KCTD16: variants seen among roughly 807,000 people sequenced by gnomAD.
KCTD16 encodes potassium channel tetramerization domain containing 16.
A neutral mutation model predicts 33.2 loss-of-function variants in KCTD16; 13 were observed. The ratio of observed to expected loss-of-function variants is 0.39; its 90% CI spans 0.25 to 0.62. The LOEUF (loss-of-function observed/expected upper bound fraction) is 0.62. Among genes scored for constraint, KCTD16 ranks in the 20% least tolerant of loss-of-function variants. KCTD16 has a pLI of 0.50. For synonymous variants in KCTD16, 197 were observed against 195.3 expected (o/e 1.01, Z -0.07); for missense variants, 441 against 525.1 (o/e 0.84, Z 1.57).
chr5:144,355,203 A>G (rs1306919207), intron 3 of KCTD16, among the ~76,000 whole-genome samples: 1 of 152,210 alleles, frequency 6.6e-6, no homozygotes, highest in Non-Finnish European at 1.5e-5. Context: ...TCAGATGACA[A>G]CAATATCAAC....
At chr5:144,232,534 C>T (rs561326505) in intron 3 of KCTD16, among the ~76,000 whole-genome samples, 31 of 152,266 alleles carry the variant, frequency 2.0e-4, no homozygotes, top group African/African-American at 4.6e-4. Context: ...CTATGTAATA[C>T]GTGACCATGC....
intron 3 of KCTD16, among the ~76,000 whole-genome samples, chr5:144,210,290 T>C (rs1753342259): frequency 6.6e-6 from 1 of 152,098 alleles, no homozygotes; most frequent in Admixed American, 6.5e-5. Flanking sequence ...AGTCAACAGG[T>C]ATTTGTATGT....
At chr5:144,350,673 T>C (rs955328704) in intron 3 of KCTD16, among the ~76,000 whole-genome samples, 2 of 152,166 alleles carry the variant, frequency 1.3e-5, no homozygotes, top group Non-Finnish European at 2.9e-5. Flanking sequence ...ATTCTGTGCA[T>C]GTCCAGAAAA....
At position 144,445,359 on chromosome 5, in the gene KCTD16, G is replaced by C. The variant is rs1290658873; in HGVS notation, c.833-28301G>C. Among the ~76,000 whole-genome samples, 4 of 152,112 alleles carry C rather than the reference G, an allele frequency of 2.6e-5. No individual in the cohort carries two copies. The East Asian group carries it at 7.8e-4, about 29-fold the overall frequency. Reference sequence around the variant, plus strand: ...TTTTGTATCAATTCTGGATGCGTTTGAGAATTTTGGAACAGTGGACTGCAA... The same window carrying C: ...TTTTGTATCAATTCTGGATGCGTTTCAGAATTTTGGAACAGTGGACTGCAA... On this transcript the variant is annotated intron_variant, in intron 3 of 3. Coordinates refer to ENST00000512467, the MANE Select transcript of KCTD16 (RefSeq NM_020768.4).
chr5:144,395,407 G>T (rs554898693), intron 3 of KCTD16, among the ~76,000 whole-genome samples: 2 of 152,140 alleles, frequency 1.3e-5, no homozygotes, highest in African/African-American at 4.8e-5. Context: ...AAGAGGTCTT[G>T]CCGCCTTTCA....
intron 3 of KCTD16, among the ~76,000 whole-genome samples, chr5:144,272,085 C>G (rs1270395122): frequency 6.6e-6 from 1 of 152,056 alleles, no homozygotes; most frequent in Non-Finnish European, 1.5e-5. Flanking sequence ...CAATATTACT[C>G]AAAGCAATCT....
intron 3 of KCTD16, among the ~76,000 whole-genome samples, chr5:144,366,580 A>G (rs746141939): frequency 1.3e-5 from 2 of 152,172 alleles, no homozygotes; most frequent in Non-Finnish European, 2.9e-5. Flanking sequence ...CAGGCAATCT[A>G]TGAAGCTTCA....
intron 3 of KCTD16, among the ~76,000 whole-genome samples, chr5:144,310,938 G>T (rs1447972876): frequency 2.0e-4 from 30 of 152,132 alleles, no homozygotes; most frequent in Non-Finnish European, 2.4e-4. Flanking sequence ...CAGTGCTAAG[G>T]TTCACTCTTC....
intron 3 of KCTD16, among the ~76,000 whole-genome samples, chr5:144,353,582 C>T (rs958769874): frequency 6.6e-6 from 1 of 152,184 alleles, no homozygotes; most frequent in Non-Finnish European, 1.5e-5. Flanking sequence ...CAGTTCCTCA[C>T]ATATTATAAG....
intron 3 of KCTD16, among the ~76,000 whole-genome samples, chr5:144,351,004 C>T (rs1751414820): frequency 6.6e-6 from 1 of 152,078 alleles, no homozygotes; most frequent in African/African-American, 2.4e-5. Flanking sequence ...CATTTTAACT[C>T]AAAATCTAGG....
chr5:144,320,440 A>G (rs1018135631), intron 3 of KCTD16, among the ~76,000 whole-genome samples: 3 of 152,200 alleles, frequency 2.0e-5, no homozygotes, highest in African/African-American at 7.2e-5. Context: ...CCTCACTGGA[A>G]TGTTCCCTGA....
At chr5:144,216,481 T>C (rs538449675) in intron 3 of KCTD16, among the ~76,000 whole-genome samples, 1 of 152,318 alleles carries the variant, frequency 6.6e-6, no homozygotes, top group East Asian at 1.9e-4. Context: ...TCTGATATAA[T>C]CTGATTAGGA....
chr5:144,311,499 T>C (rs978946526), intron 3 of KCTD16, among the ~76,000 whole-genome samples: 2 of 152,142 alleles, frequency 1.3e-5, no homozygotes, highest in African/African-American at 4.8e-5. Context: ...TATATAGATA[T>C]AGATATCAAG....
chr5:144,230,449 C>T (rs970483607), intron 3 of KCTD16, among the ~76,000 whole-genome samples: 1 of 152,110 alleles, frequency 6.6e-6, no homozygotes, highest in South Asian at 2.1e-4. Context: ...AGGTGTGAAT[C>T]CTCAGCCTTA....
At chr5:144,260,436 C>T (rs1046183063) in intron 3 of KCTD16, among the ~76,000 whole-genome samples, 3 of 152,204 alleles carry the variant, frequency 2.0e-5, no homozygotes, top group Non-Finnish European at 4.4e-5. Context: ...GGAGAAAGAA[C>T]ACCAAGCTCT....
intron 3 of KCTD16, among the ~76,000 whole-genome samples, chr5:144,381,215 C>T (rs561377054): frequency 6.6e-6 from 1 of 152,168 alleles, no homozygotes; most frequent in African/African-American, 2.4e-5. Flanking sequence ...CAGTAACCAT[C>T]AGAGAAATGC....
intron 3 of KCTD16, among the ~76,000 whole-genome samples, chr5:144,405,124 CAGCTATGAA>C (rs1471893444): frequency 1.3e-5 from 2 of 152,206 alleles, no homozygotes; most frequent in African/African-American, 2.4e-5. Context: ...CCCAGGATCA[CAGCTATGAA>C]AGCCAGAATT....
chr5:144,248,442 A>T (rs927099764), intron 3 of KCTD16, among the ~76,000 whole-genome samples: 6 of 152,352 alleles, frequency 3.9e-5, no homozygotes, highest in African/African-American at 1.4e-4. Context: ...CAAGTGAACT[A>T]AATACTGTCC....
rs1160291407 is a variant in KCTD16 at position 144,210,117 on chromosome 5, T to C, written c.832+2571T>C. On this transcript the variant is annotated intron_variant, in intron 3 of 3. Coordinates refer to ENST00000512467, the MANE Select transcript of KCTD16 (RefSeq NM_020768.4). ...TTCCCTGTTTGCCTATTTTTTCTTC[T>C]GAGTCTTCCAAGAAAAATTGGGGAG... 6.6e-5 allele frequency among the ~76,000 whole-genome samples: 10 copies of C among 152,116 alleles called. No individual in the cohort carries two copies. In the South Asian group the frequency reaches 1.9e-3, roughly 28 times the overall value.
Sources: allele counts gnomAD v4.1 joint callset (sites outside exome capture counted in the v4.1 genomes callset), GRCh38; gene constraint gnomAD v4.1.1; transcripts MANE v1.5; gene names NCBI Gene and HGNC (gene_info 2026-07-23, HGNC 2026-07-21).